Variants in TMEM108 observed in about 807,000 individuals in gnomAD.
TMEM108 encodes transmembrane protein 108, also known as cancer/testis antigen 124.
TMEM108 carries 12 observed loss-of-function variants against 35.1 expected under a neutral mutation model. The ratio of observed to expected loss-of-function variants is 0.34; its 90% CI spans 0.22 to 0.55. The LOEUF (loss-of-function observed/expected upper bound fraction) is 0.55, where lower values mean the gene tolerates loss of function less well. TMEM108 is among the 20% of genes least tolerant of loss of function. The pLI, the probability that TMEM108 is intolerant of heterozygous loss-of-function variation, is 0.89. For missense variants in TMEM108, 680 were observed against 753.3 expected, an observed-to-expected ratio of 0.90 and a Z score of 1.14; for synonymous variants, 287 against 308.6, an observed-to-expected ratio of 0.93 and a Z score of 0.73.
chr3:133,041,589 T>C (rs1214833291), intron 1 of TMEM108, among the ~76,000 whole-genome samples: 2 of 152,196 alleles, frequency 1.3e-5, no homozygotes, highest in African/African-American at 2.4e-5. Context: ...ATAACGTGTG[T>C]CATGGGGATT....
intron 3 of TMEM108, among the ~76,000 whole-genome samples, chr3:133,278,112 A>T (rs1946863367): frequency 6.6e-6 from 1 of 152,258 alleles, no homozygotes; most frequent in African/African-American, 2.4e-5. Context: ...AGGTCAGGTT[A>T]TAGGCTTAAA....
rs555417252 is a variant in TMEM108 at position 133,380,536 on chromosome 3, G to A, written c.825G>A (p.Lys275=). 3.1e-6 allele frequency: 5 copies of A among 1,613,992 alleles called. No homozygotes were observed. In the South Asian group the frequency reaches 5.5e-5, roughly 18 times the overall value. The change falls in exon 4 of 6, where the codon AAG becomes AAA. Residue 275 remains lysine (K), a synonymous_variant. Transcript: ENST00000321871. The surrounding 1 kb of genome is among the most constrained non-coding windows in gnomAD (Gnocchi z 5.3). ...APTTTSLGPA[K]DKPGLRRAAQ... is the part of the protein sequence containing the mutation. ...CCACCACCTCCCTGGGGCCTGCAAA[G>A]GACAAGCCAGGCCTTCGCAGAGCAG... is the stretch of plus-strand genomic sequence containing the variant.
Position 133,229,873 on chromosome 3 carries a change from T to C in TMEM108, c.40+522T>C, listed in dbSNP as rs898886377. Among the ~76,000 whole-genome samples the C allele has an allele frequency of 3.9e-5, 6 of 152,254 alleles. No homozygotes were observed. The South Asian group carries it at 1.2e-3, about 31-fold the overall frequency. ...AACAAGTGGTGAAAATGTGACTTCT[T>C]GGTTTTGTGGTGGAATAAAGAGTGT... On this transcript the variant is annotated intron_variant, in intron 3 of 5. Coordinates refer to ENST00000321871, the MANE Select transcript of TMEM108 (RefSeq NM_023943.4).
chr3:133,277,459 A>G (rs567445004), intron 3 of TMEM108, among the ~76,000 whole-genome samples: 1 of 152,368 alleles, frequency 6.6e-6, no homozygotes, highest in South Asian at 2.1e-4. Flanking sequence ...ATAAAAGAAT[A>G]ACAGCATGAC....
chr3:133,041,083 G>A (rs1239125231), intron 1 of TMEM108, among the ~76,000 whole-genome samples: 1 of 152,190 alleles, frequency 6.6e-6, no homozygotes, highest in African/African-American at 2.4e-5. Context: ...CATCTGATAG[G>A]GAAGCATTGG....
At chr3:133,145,269 G>C (rs1250264211) in intron 2 of TMEM108, among the ~76,000 whole-genome samples, 1 of 152,094 alleles carries the variant, frequency 6.6e-6, no homozygotes, top group Admixed American at 6.5e-5. Flanking sequence ...AGATCAGATG[G>C]TTGTAGATGT....
At chr3:133,178,662 G>A (rs1945278335) in intron 2 of TMEM108, among the ~76,000 whole-genome samples, 1 of 152,130 alleles carries the variant, frequency 6.6e-6, no homozygotes, top group African/African-American at 2.4e-5. Context: ...ATTAATCCAA[G>A]GTGGATTAAA....
At chr3:133,312,445 G>A (rs9825925) in intron 3 of TMEM108, among the ~76,000 whole-genome samples, 45,676 of 152,018 alleles carry the variant, frequency 0.3, 7,276 homozygotes, top group African/African-American at 0.39. Context: ...AATGGCAGAC[G>A]CCTCTCCCCG....
At chr3:133,053,546 A>C (rs1454808639) in intron 2 of TMEM108, among the ~76,000 whole-genome samples, 2 of 152,252 alleles carry the variant, frequency 1.3e-5, no homozygotes, top group African/African-American at 4.8e-5. Context: ...GTGGAAACTC[A>C]AGTTACTTTA....
rs575891011 is a variant in TMEM108, at chr3:133,392,324, G to A, written c.1605+1990G>A. 6.6e-5 allele frequency among the ~76,000 whole-genome samples: 10 copies of A among 151,982 alleles called. No individual in the cohort carries two copies. In the South Asian group the frequency reaches 1.0e-3, roughly 16 times the overall value. On this transcript the variant is annotated intron_variant, in intron 5 of 5. Transcript: ENST00000321871. ...ACTACAAGCACACGCGACCACGCCC[G>A]GCTAATTTTTGTGTTTTTAGTAGAG...
At chr3:133,135,586 C>T (rs890847488) in intron 2 of TMEM108, among the ~76,000 whole-genome samples, 13 of 152,024 alleles carry the variant, frequency 8.6e-5, no homozygotes, top group South Asian at 2.1e-4. Context: ...GGTTTTAGGC[C>T]GGGGACTGGC....
At chr3:133,193,715 A>G (rs1031779576) in intron 2 of TMEM108, among the ~76,000 whole-genome samples, 5 of 152,168 alleles carry the variant, frequency 3.3e-5, no homozygotes, top group Admixed American at 6.5e-5. Context: ...GATAAATGAC[A>G]GGGCTTTAGG....
At chr3:133,378,337 G>A (rs992513383) in intron 3 of TMEM108, 2 of 985,328 alleles carry the variant, frequency 2.0e-6, no homozygotes, top group Non-Finnish European at 2.4e-6. Flanking sequence ...TCTGCTTCTC[G>A]CCAGGGCCCT....
At chr3:133,282,088 C>T (rs540293112) in intron 3 of TMEM108, among the ~76,000 whole-genome samples, 7 of 150,690 alleles carry the variant, frequency 4.6e-5, no homozygotes, top group South Asian at 4.2e-4. Flanking sequence ...ACCTGGGAGG[C>T]GGAGCTTGCA....
In TMEM108 at chr3:133,380,302, G is replaced by A; in HGVS notation, c.591G>A (p.Gln197=). Residue 197 remains glutamine (Q), a synonymous_variant, in exon 4 of 6, where the codon CAG becomes CAA. Coordinates refer to ENST00000321871, the MANE Select transcript of TMEM108 (RefSeq NM_023943.4). This position sits in a 1 kb window ranked among gnomAD's most constrained non-coding sequence, Gnocchi z 5.3. ...GCCACTCCAGGAGTAAAGAAGGACA[G>A]CGAGGACGAAATCCAAGCTCCACAC... ...PGGHSRSKEG[Q]RGRNPSSTPL... 1 of 1,614,148 alleles carries A rather than the reference G, an allele frequency of 6.2e-7. No homozygotes were observed.
intron 3 of TMEM108, among the ~76,000 whole-genome samples, chr3:133,270,620 T>A (rs1229456299): frequency 6.6e-6 from 1 of 152,114 alleles, no homozygotes; most frequent in Non-Finnish European, 1.5e-5. Context: ...ATAGAAGGGA[T>A]TTTCTGAGTC....
chr3:133,286,426 TG>T (rs1428716088), intron 3 of TMEM108, among the ~76,000 whole-genome samples: 2 of 152,314 alleles, frequency 1.3e-5, no homozygotes, highest in African/African-American at 4.8e-5. Flanking sequence ...CTTGAACTCC[TG>T]GGCCCAAGGG....
chr3:133,045,672 T>C (rs1304304459), intron 1 of TMEM108, among the ~76,000 whole-genome samples: 1 of 152,250 alleles, frequency 6.6e-6, no homozygotes, highest in Non-Finnish European at 1.5e-5. Flanking sequence ...GTTTTAAACA[T>C]GGCAGGACTT....
chr3:133,137,991 G>A lies in TMEM108; in HGVS notation c.-46-91275G>A, dbSNP rs142554149. ...ATAAGAGGGCTTGAGAACATGAATG[G>A]ATAGCCTTTTGTTATGGAAACAAGT... is the stretch of plus-strand genomic sequence containing the variant. On this transcript the variant is annotated intron_variant, in intron 2 of 5. Transcript: ENST00000321871. Among the ~76,000 whole-genome samples, 531 of 152,314 alleles carry A rather than the reference G, an allele frequency of 3.5e-3. 3 individuals carry two copies. The highest frequency in any genetic ancestry group is 0.012 in the African/African-American group (503 of 41,570).
Sources: allele counts gnomAD v4.1 joint callset (sites outside exome capture counted in the v4.1 genomes callset), GRCh38; gene constraint gnomAD v4.1.1; non-coding constraint Gnocchi (gnomAD v3.1); transcripts MANE v1.5; gene names NCBI Gene and HGNC (gene_info 2026-07-23, HGNC 2026-07-21).